The following SCEL variants were observed in gnomAD, a reference collection of about 807,000 sequenced individuals.
SCEL encodes sciellin.
In SCEL, 113 loss-of-function variants were observed where a neutral mutation model predicts 117.6. The ratio of observed to expected loss-of-function variants is 0.96; its 90% CI spans 0.83 to 1.12. The LOEUF is 1.12. Among genes scored for constraint, SCEL ranks in the 50% most tolerant of loss-of-function variants. The pLI is 0.00. For synonymous variants in SCEL, 270 were observed against 256.2 expected, an observed-to-expected ratio of 1.05 and a Z score of -0.51; for missense variants, 785 against 810.8, an observed-to-expected ratio of 0.97 and a Z score of 0.39.
intron 27 of SCEL, among the ~76,000 whole-genome samples, chr13:77,625,419 C>T (rs574248432): frequency 2.2e-4 from 34 of 152,230 alleles, no homozygotes; most frequent in Admixed American, 1.2e-3. Context: ...GGGAGATTAT[C>T]GTACTCAGTT....
chr13:77,568,513 T>C (rs1480624500), intron 7 of SCEL, among the ~76,000 whole-genome samples, 180 bp downstream of exon 7: 1 of 22,860 alleles, frequency 4.4e-5, no homozygotes, highest in African/African-American at 1.9e-4. Context: ...ATCTGGACTT[T>C]TGCAGAAAAA....
rs116750088 is a variant in SCEL at position 77,583,475 on chromosome 13, T to C, written c.546-5669T>C. 3.5e-3 allele frequency among the ~76,000 whole-genome samples: 529 copies of C among 152,322 alleles called. 3 individuals carry two copies. The highest frequency in any genetic ancestry group is 0.012 in the African/African-American group (481 of 41,578). The stretch of plus-strand genomic sequence containing the variant: ...TCGAAGGCATGGACTACATCTTTTC[T>C]AGTCTTTGACTGCCCAGTTACGGCT... On this transcript the variant is annotated intron_variant, in intron 9 of 32. Coordinates refer to ENST00000349847, the MANE Select transcript of SCEL (RefSeq NM_144777.3).
At chr13:77,570,869 C>CT (rs1240774894) in intron 8 of SCEL, among the ~76,000 whole-genome samples, 31 of 150,534 alleles carry the variant, frequency 2.1e-4, no homozygotes, top group Non-Finnish European at 2.8e-4. Flanking sequence ...TTTTCTTTTT[C>CT]TTTTTTTTTG....
chr13:77,591,596 A>G (rs1010307574), intron 11 of SCEL, 136 bp downstream of exon 11: 1 of 593,650 alleles, frequency 1.7e-6, no homozygotes. Context: ...AATATTAATA[A>G]ATGTTTTTGT....
chr13:77,621,464 G>A (rs1473457430), intron 27 of SCEL, among the ~76,000 whole-genome samples: 1 of 152,060 alleles, frequency 6.6e-6, no homozygotes, highest in African/African-American at 2.4e-5. Context: ...TCAGGCTCTG[G>A]GAAGCCCCCC....
chr13:77,602,154 CT>C, intron 16 of SCEL, 30 bp downstream of exon 16: 3 of 1,575,482 alleles, frequency 1.9e-6, no homozygotes, highest in Admixed American at 1.8e-5. Context: ...TGATGGAGCT[CT>C]TTTTATTCAG....
intron 1 of SCEL, among the ~76,000 whole-genome samples, chr13:77,536,126 T>C (rs1317674148): frequency 6.6e-6 from 1 of 152,152 alleles, no homozygotes; most frequent in Non-Finnish European, 1.5e-5. Flanking sequence ...GATAATAAAT[T>C]CTTTAAGTGA....
intron 29 of SCEL, among the ~76,000 whole-genome samples, chr13:77,634,936 G>A (rs2090203510): frequency 6.6e-6 from 1 of 152,144 alleles, no homozygotes; most frequent in Non-Finnish European, 1.5e-5. Flanking sequence ...TGGATATTGA[G>A]GAAAATGTAA....
At chr13:77,600,811 T>C (rs1163666603) in intron 15 of SCEL, among the ~76,000 whole-genome samples, 2 of 152,238 alleles carry the variant, frequency 1.3e-5, no homozygotes, top group East Asian at 3.8e-4. Context: ...ACTTTGTATT[T>C]GGTTAGTCAT....
chr13:77,606,473 T>G (rs2088199905), intron 19 of SCEL: 1 of 152,334 alleles, frequency 6.6e-6, no homozygotes, highest in South Asian at 2.1e-4. Context: ...GTTGTAATGC[T>G]TACCGTTTTG....
intron 9 of SCEL, among the ~76,000 whole-genome samples, chr13:77,586,993 A>G (rs761591501): frequency 6.6e-6 from 1 of 152,006 alleles, no homozygotes; most frequent in African/African-American, 2.4e-5. Flanking sequence ...ATAATAGTAC[A>G]TCATCATCAT....
At chr13:77,545,289 G>A (rs945646331) in intron 1 of SCEL, among the ~76,000 whole-genome samples, 3 of 152,182 alleles carry the variant, frequency 2.0e-5, no homozygotes, top group African/African-American at 7.2e-5. Flanking sequence ...TAGCTGAACT[G>A]AGGCTACCAA....
In SCEL at chr13:77,644,278, T is replaced by C. The variant is rs765453923; in HGVS notation, c.*4T>C. On this transcript the variant is annotated 3_prime_UTR_variant, in exon 33 of 33. Transcript: ENST00000349847. ...TGCAGCAAAGTGGATTCCATAACTC[T>C]GGCACAAGGAAATCAAGATGAAAAG... The C allele has an allele frequency of 3.1e-6, 5 of 1,613,126 alleles. No individual in the cohort carries two copies. The highest frequency in any genetic ancestry group is 4.2e-6 in the Non-Finnish European group (5 of 1,179,316).
At chr13:77,643,083 A>G (rs2090636828) in intron 32 of SCEL, among the ~76,000 whole-genome samples, 1 of 152,146 alleles carries the variant, frequency 6.6e-6, no homozygotes, top group African/African-American at 2.4e-5. Flanking sequence ...CAAACAAGAA[A>G]GTTATTGTCT....
At chr13:77,592,701 C>T (rs564322631) in intron 11 of SCEL, among the ~76,000 whole-genome samples, 6 of 151,536 alleles carry the variant, frequency 4.0e-5, no homozygotes, top group African/African-American at 7.3e-5. Context: ...TGGGACTACG[C>T]GCACAGGCCA....
At chr13:77,609,902 A>C (rs981588557) in intron 21 of SCEL, 145 bp from the exon 22 acceptor site, 1 of 372,004 alleles carries the variant, frequency 2.7e-6, no homozygotes, top group Non-Finnish European at 4.5e-6. Flanking sequence ...CACAGTCAAC[A>C]CTGAAAACCC....
chr13:77,612,668 T>A lies in SCEL; in HGVS notation c.1338-223T>A, dbSNP rs966895077. 3.3e-5 allele frequency among the ~76,000 whole-genome samples: 5 copies of A among 151,742 alleles called. No individual in the cohort carries two copies. The East Asian group carries it at 9.6e-4, about 29-fold the overall frequency. The stretch of plus-strand genomic sequence containing the variant: ...GTTTAGGAATAATTCTGCTTTGAGG[T>A]TAACGTGAAAGAAACAAAAATAAAA... On this transcript the variant is annotated intron_variant, in intron 22 of 32. Coordinates refer to ENST00000349847, the MANE Select transcript of SCEL (RefSeq NM_144777.3).
intron 31 of SCEL, among the ~76,000 whole-genome samples, chr13:77,642,504 G>A (rs982144740): frequency 1.3e-5 from 2 of 152,098 alleles, no homozygotes; most frequent in Non-Finnish European, 2.9e-5. Context: ...TTGTTTGTTT[G>A]TTTGAGATAT....
chr13:77,596,626 A>G (rs1307360248), intron 12 of SCEL, among the ~76,000 whole-genome samples: 4 of 151,816 alleles, frequency 2.6e-5, no homozygotes, highest in Non-Finnish European at 5.9e-5. Context: ...GGAAACTTGA[A>G]TGCGTAACTA....
Sources: gnomAD v4.1 joint callset for allele counts (sites outside exome capture counted in the v4.1 genomes callset) on GRCh38, gnomAD v4.1.1 for gene constraint, MANE v1.5 for transcripts, NCBI Gene and HGNC (gene_info 2026-07-23, HGNC 2026-07-21) for gene names.